The following RGMA variants were observed in gnomAD, a reference collection of about 807,000 sequenced individuals.
RGMA encodes repulsive guidance molecule BMP co-receptor a, also known as repulsive guidance molecule A.
A neutral mutation model predicts 23.2 loss-of-function variants in RGMA; 10 were observed. That is an observed-to-expected ratio of 0.43 (90% confidence interval 0.27 to 0.73). The LOEUF (loss-of-function observed/expected upper bound fraction) is 0.73. Ranked by LOEUF, RGMA falls within the 30% of genes least tolerant of loss-of-function variation. The probability of loss-of-function intolerance (pLI) is 0.20; values close to 1 mark genes in which losing one functional copy is unlikely to be tolerated. For missense variants in RGMA, 547 were observed against 630.5 expected (o/e 0.87, Z 1.42); for synonymous variants, 308 against 279.3 (o/e 1.10, Z -1.03).
At chr15:93,073,120 G>A (rs1213011119) in intron 1 of RGMA, 89 bp from the exon 2 acceptor site, 4 of 1,365,178 alleles carry the variant, frequency 2.9e-6, no homozygotes, top group Middle Eastern at 2.2e-4. Context: ...CAGCGAGCCG[G>A]GAGGCTCCGT....
At chr15:93,060,772 G>A (rs4778085) in intron 2 of RGMA, among the ~76,000 whole-genome samples, 82,273 of 151,456 alleles carry the variant, frequency 0.54, 22,701 homozygotes, top group East Asian at 0.82. Context: ...AGTTTATGCA[G>A]CAGGACATCT....
In RGMA at chr15:93,070,779, C is replaced by T. The variant is rs141412194; in HGVS notation, c.130+2137G>A. ...CGTGACAGGAGAGCAGCTATCAGTT[C>T]CATCGGCCAGGTTTTAGTTACCGGC... On this transcript the variant is annotated intron_variant, in intron 2 of 3. Coordinates refer to ENST00000329082, the MANE Select transcript of RGMA (RefSeq NM_020211.3). Among the ~76,000 whole-genome samples the T allele has an allele frequency of 4.4e-3, 668 of 152,328 alleles. 5 individuals are homozygous for T. The highest frequency in any genetic ancestry group is 0.015 in the African/African-American group (636 of 41,570).
At chr15:93,079,245 C>T (rs1476466835) in intron 1 of RGMA, among the ~76,000 whole-genome samples, 2 of 152,224 alleles carry the variant, frequency 1.3e-5, no homozygotes, top group East Asian at 3.8e-4. Flanking sequence ...TTCTGATCCA[C>T]GGCAATTTCC....
At chr15:93,088,709 A>G (rs1012158856) in intron 1 of RGMA, 2 of 753,860 alleles carry the variant, frequency 2.7e-6, no homozygotes, top group South Asian at 2.2e-5. Context: ...GTATTTTAGG[A>G]AAAAAGAACA....
At chr15:93,084,887 T>C (rs1187607310) in intron 1 of RGMA, among the ~76,000 whole-genome samples, 8 of 152,294 alleles carry the variant, frequency 5.3e-5, no homozygotes, top group African/African-American at 1.9e-4. Flanking sequence ...GAGTATGCAC[T>C]GTGGCTGACA....
chr15:93,087,440 C>G (rs1596110397), intron 1 of RGMA, among the ~76,000 whole-genome samples: 1 of 72,504 alleles, frequency 1.4e-5, no homozygotes, highest in Non-Finnish European at 2.5e-5. Flanking sequence ...GTGGTAACAG[C>G]AAGAAACCCC....
intron 2 of RGMA, among the ~76,000 whole-genome samples, chr15:93,054,800 G>C (rs12591882): frequency 0.59 from 89,411 of 152,012 alleles, 26,988 homozygotes; most frequent in East Asian, 0.93. Flanking sequence ...CTCCTGAGGA[G>C]AGGTCTCCCT....
chr15:93,058,682 C>T (rs370070690), intron 2 of RGMA, among the ~76,000 whole-genome samples: 96 of 152,236 alleles, frequency 6.3e-4, no homozygotes, highest in African/African-American at 2.3e-3. Context: ...CCACCCACCC[C>T]ACCCTCAGGT....
chr15:93,055,612 C>G (rs1195189897), intron 2 of RGMA, among the ~76,000 whole-genome samples: 1 of 152,204 alleles, frequency 6.6e-6, no homozygotes, highest in Non-Finnish European at 1.5e-5. Context: ...TTAGCACACC[C>G]GATTCCCTCC....
intron 1 of RGMA, among the ~76,000 whole-genome samples, chr15:93,087,858 G>C (rs1167036475): frequency 6.6e-6 from 1 of 152,122 alleles, no homozygotes; most frequent in Non-Finnish European, 1.5e-5. Context: ...CTGAGCATGG[G>C]AGGTCGGGGT....
intron 1 of RGMA, among the ~76,000 whole-genome samples, chr15:93,086,271 A>G: frequency 6.6e-6 from 1 of 152,354 alleles, no homozygotes; most frequent in East Asian, 1.9e-4. Context: ...TGTAAGGAGT[A>G]GTGTCATTTC....
chr15:93,067,791 A>G (rs1005782663), intron 2 of RGMA, among the ~76,000 whole-genome samples: 1 of 152,198 alleles, frequency 6.6e-6, no homozygotes, highest in Non-Finnish European at 1.5e-5. Context: ...CTGATGCTCC[A>G]AAGCAGGCCA....
At chr15:93,058,993 T>C (rs530932416) in intron 2 of RGMA, among the ~76,000 whole-genome samples, 2 of 144,898 alleles carry the variant, frequency 1.4e-5, no homozygotes, top group African/African-American at 2.6e-5. Context: ...AGGTGACACA[T>C]TGCTTTCCTG....
Position 93,039,293 on chromosome 15 carries a change from A to T in RGMA, c.*5705T>A, listed in dbSNP as rs1040781687. 2 of 151,638 alleles carry T rather than the reference A, an allele frequency of 1.3e-5. No individual in the cohort carries two copies. The highest frequency in any genetic ancestry group is 1.9e-4 in the East Asian group (1 of 5,178). 9.4% of individuals were successfully genotyped at this position (151,638 alleles called of 1,614,324 possible). A position where few individuals can be genotyped will look rare whatever the true frequency, so the allele number is the denominator to read the frequency against. On this transcript the variant is annotated 3_prime_UTR_variant, in exon 4 of 4. Coordinates refer to ENST00000329082, the MANE Select transcript of RGMA (RefSeq NM_020211.3). ...CACCACCATTTCCCCAGGTGCTCAG[A>T]CCCCTGGGGAAGACATCGTGGTCTC...
intron 2 of RGMA, among the ~76,000 whole-genome samples, chr15:93,061,965 A>T (rs943855196): frequency 5.9e-5 from 9 of 152,188 alleles, no homozygotes; most frequent in Non-Finnish European, 1.5e-5. Context: ...GCCTGAACCC[A>T]GGAATAAAGA....
Position 93,052,252 on chromosome 15 carries a change from A to G in RGMA, c.386T>C (p.Leu129Pro). ...CTCCTGGCTGTCTCCGGCCGGTGGG[A>G]GCGTGCGCAGGCGTGGCTGCGAGGT... is the stretch of plus-strand genomic sequence containing the variant. ...GPTSQPRLRT[L>P]PPAGDSQERS... Residue 129 changes from leucine (L) to proline (P), a missense_variant, in exon 3 of 4, where the codon CTC becomes CCC. By Grantham distance (98) the Leu-to-Pro change is moderately conservative. Around this residue, in one of 3 missense-constraint regions of RGMA, gnomAD observed 214 missense variants for 234.7 expected, o/e 0.91. Coordinates refer to ENST00000329082, the MANE Select transcript of RGMA (RefSeq NM_020211.3). 1.9e-6 allele frequency: 3 copies of G among 1,604,986 alleles called. No individual in the cohort carries two copies. Among genetic ancestry groups the G allele is most frequent in the East Asian group, 2.2e-5 (1 of 44,628 alleles).
At chr15:93,056,170 T>A (rs2055009892) in intron 2 of RGMA, among the ~76,000 whole-genome samples, 1 of 152,140 alleles carries the variant, frequency 6.6e-6, no homozygotes, top group Non-Finnish European at 1.5e-5. Flanking sequence ...GCTTCAGAGT[T>A]GGTTCACTTT....
rs1333616420 is a variant in RGMA at position 93,073,025 on chromosome 15, C to T, written c.21G>A (p.Arg7=). 2.5e-6 allele frequency: 4 copies of T among 1,600,962 alleles called. No individual in the cohort carries two copies. Among genetic ancestry groups the T allele is most frequent in the Admixed American group, 1.7e-5 (1 of 58,536 alleles). The stretch of plus-strand genomic sequence containing the variant: ...ATCCAGCTCGGCCTGTTACCACTAG[C>T]CTCTCCCTGGAAGAAGAGTTCAGAA... MQPPRE[R]LVVTGRAGWM... Residue 7 remains arginine (R), a synonymous_variant, in exon 2 of 4, where the codon AGG becomes AGA. Coordinates refer to ENST00000329082, the MANE Select transcript of RGMA (RefSeq NM_020211.3).
chr15:93,045,115 G>A lies in RGMA; in HGVS notation c.1236C>T (p.His412=). The change falls in exon 4 of 4, where the codon CAC becomes CAT. Residue 412 remains histidine (H), a synonymous_variant. Transcript: ENST00000329082. The surrounding 1 kb of genome is among the most constrained non-coding windows in gnomAD (Gnocchi z 6.9). ...KMLHSNKDKL[H]LYERTRDLPG... is the part of the protein sequence containing the mutation. ...GCAGGTCCCGAGTCCTCTCATACAG[G>A]TGCAGTTTGTCTTTGTTGGAGTGGA... is the stretch of plus-strand genomic sequence containing the variant. The A allele has an allele frequency of 1.3e-6, 2 of 1,592,622 alleles. No individual in the cohort carries two copies. Among genetic ancestry groups the A allele is most frequent in the Non-Finnish European group, 1.7e-6 (2 of 1,169,646 alleles).
Sources: gnomAD v4.1 joint callset for allele counts (sites outside exome capture counted in the v4.1 genomes callset) on GRCh38, gnomAD v4.1.1 for gene constraint, gnomAD v4.1.1 regional missense constraint, Gnocchi (gnomAD v3.1) non-coding constraint, MANE v1.5 for transcripts, NCBI Gene and HGNC (gene_info 2026-07-23, HGNC 2026-07-21) for gene names.